DRC1: variants seen among roughly 807,000 people sequenced by gnomAD.
The protein encoded by DRC1 is dynein regulatory complex protein 1.
In DRC1, 74 loss-of-function variants were observed where a neutral mutation model predicts 98.7. The observed-to-expected ratio is 0.75, with a 90% CI of 0.62 to 0.91. The LOEUF (loss-of-function observed/expected upper bound fraction) is 0.91, where lower values mean the gene tolerates loss of function less well. Ranked by LOEUF, DRC1 falls within the 40% of genes least tolerant of loss-of-function variation. The probability of loss-of-function intolerance (pLI) is 0.00; values close to 1 mark genes in which losing one functional copy is unlikely to be tolerated. For synonymous variants in DRC1, 336 were observed against 334.1 expected, an observed-to-expected ratio of 1.01 and a Z score of -0.06; for missense variants, 875 against 886.0, an observed-to-expected ratio of 0.99 and a Z score of 0.16.
chr2:26,448,887 A>G, intron 11 of DRC1, 84 bp downstream of exon 11: 2 of 1,407,892 alleles, frequency 1.4e-6, no homozygotes, highest in Non-Finnish European at 2.0e-6. Context: ...GCTAGCCTGG[A>G]GTCAGGAGTG....
chr2:26,436,555 C>T (rs1245756627), intron 7 of DRC1, among the ~76,000 whole-genome samples: 2 of 152,168 alleles, frequency 1.3e-5, no homozygotes, highest in African/African-American at 2.4e-5. Flanking sequence ...TCAAGCAATC[C>T]TCCCTCTTTG....
intron 3 of DRC1, among the ~76,000 whole-genome samples, chr2:26,423,581 C>G (rs1156868482): frequency 6.6e-6 from 1 of 152,192 alleles, no homozygotes; most frequent in African/African-American, 2.4e-5. Flanking sequence ...GAAAGGCTGT[C>G]CCTATTTTCC....
intron 3 of DRC1, among the ~76,000 whole-genome samples, chr2:26,424,046 G>C (rs1423140812): frequency 3.9e-5 from 6 of 152,152 alleles, no homozygotes; most frequent in African/African-American, 1.2e-4. Context: ...CCTTAATGTT[G>C]ATCTGTTTTT....
chr2:26,433,459 C>T (rs189828573), intron 7 of DRC1, among the ~76,000 whole-genome samples: 3 of 152,308 alleles, frequency 2.0e-5, no homozygotes, highest in African/African-American at 7.2e-5. Context: ...ATGAGAGTTA[C>T]TGACAGAACA....
At chr2:26,418,363 G>A (rs768834077) in intron 2 of DRC1, among the ~76,000 whole-genome samples, 19 of 150,692 alleles carry the variant, frequency 1.3e-4, no homozygotes, top group Non-Finnish European at 1.8e-4. Flanking sequence ...AGCTGGGGGT[G>A]GGCTGGGAGC....
In DRC1 at chr2:26,429,768, A is replaced by G. The variant is rs1453451858; in HGVS notation, c.678+3A>G. The G allele has an allele frequency of 6.2e-7, 1 of 1,613,872 alleles. No individual in the cohort carries two copies. The highest frequency in any genetic ancestry group is 2.2e-5 in the East Asian group (1 of 44,876). On this transcript the variant is annotated splice_donor_region_variant and intron_variant, in intron 5 of 16. Transcript: ENST00000288710. Reference sequence around the variant, plus strand: ...GTGAGGAGCTCTATAACATTGAGGTAACAGGGTGTGAAAAGACCTGGTTTC... The same window carrying G: ...GTGAGGAGCTCTATAACATTGAGGTGACAGGGTGTGAAAAGACCTGGTTTC...
intron 6 of DRC1, 41 bp downstream of exon 6, chr2:26,430,913 G>A (rs1301154737): frequency 3.2e-6 from 5 of 1,545,480 alleles, no homozygotes; most frequent in African/African-American, 1.4e-5. Context: ...GTGGGGTCTG[G>A]GTGATTTTTA....
At chr2:26,419,016 G>C (rs974445524) in intron 2 of DRC1, among the ~76,000 whole-genome samples, 20 of 150,816 alleles carry the variant, frequency 1.3e-4, no homozygotes, top group Non-Finnish European at 2.2e-4. Flanking sequence ...AGCCTCCCAA[G>C]TAGCTGGGAC....
chr2:26,438,776 G>A (rs989664715), intron 7 of DRC1, among the ~76,000 whole-genome samples: 3 of 152,110 alleles, frequency 2.0e-5, no homozygotes, highest in African/African-American at 7.2e-5. Context: ...TTCCTCTGTC[G>A]ATTCCTGGGC....
At chr2:26,413,302 C>T (rs116304834) in intron 1 of DRC1, among the ~76,000 whole-genome samples, 2,207 of 152,286 alleles carry the variant, frequency 0.014, 48 homozygotes, top group African/African-American at 0.048. Context: ...GTCAGTGCTA[C>T]AATCATCTTT....
intron 2 of DRC1, among the ~76,000 whole-genome samples, chr2:26,418,577 TATATAA>T (rs1678903491): frequency 9.5e-6 from 1 of 105,656 alleles, no homozygotes; most frequent in African/African-American, 4.1e-5. Context: ...ATATATATTA[TATATAA>T]ATTATATATA....
intron 2 of DRC1, among the ~76,000 whole-genome samples, chr2:26,418,097 C>T (rs1170861775): frequency 6.6e-6 from 1 of 152,040 alleles, no homozygotes; most frequent in African/African-American, 2.4e-5. Flanking sequence ...GCGGATACAT[C>T]CCCTCAAGTA....
At chr2:26,434,890 CAA>C (rs58202507) in intron 7 of DRC1, among the ~76,000 whole-genome samples, 4 of 126,866 alleles carry the variant, frequency 3.2e-5, no homozygotes, top group East Asian at 2.9e-4. Context: ...GACTCCGTCT[CAA>C]AAAAAAAAAA....
chr2:26,453,116 C>T (rs1329304295), intron 13 of DRC1, among the ~76,000 whole-genome samples: 2 of 152,188 alleles, frequency 1.3e-5, no homozygotes, highest in African/African-American at 2.4e-5. Context: ...AGAACCTTTC[C>T]ATTTTCTCGT....
At chr2:26,429,876 A>C (rs1663389016) in intron 5 of DRC1, 111 bp downstream of exon 5, 25 of 1,182,628 alleles carry the variant, frequency 2.1e-5, no homozygotes, top group Non-Finnish European at 2.8e-5. Context: ...CTGTCCGCTG[A>C]TTTCTGTTTC....
At position 26,448,702 on chromosome 2, in the gene DRC1, G is replaced by A; in HGVS notation, c.1408G>A (p.Ala470Thr). 6.2e-7 allele frequency: 1 copy of A among 1,614,194 alleles called. No homozygotes were observed. Among genetic ancestry groups the A allele is most frequent in the South Asian group, 1.1e-5 (1 of 91,080 alleles). Residue 470 changes from alanine to threonine, a missense_variant, in exon 11 of 17, where the codon GCA becomes ACA. Physicochemically the swap from Ala to Thr is moderately conservative, Grantham distance 58. Transcript: ENST00000288710. The part of the protein sequence containing the change: ...EMLMRSEEEE[A>T]EEAAAEPESY... ...TGACCCAACTGCAGAAGAGGAGGAG[G>A]CAGAAGAGGCCGCCGCGGAACCAGA... is the stretch of plus-strand genomic sequence containing the variant.
At position 26,448,810 on chromosome 2, in the gene DRC1, C is replaced by A; in HGVS notation, c.1509+7C>A. On this transcript the variant is annotated splice_region_variant and intron_variant, in intron 11 of 16. Coordinates refer to ENST00000288710, the MANE Select transcript of DRC1 (RefSeq NM_145038.5). ...GCTCCTGTGTGACGAGTCGGTGAGGCCAGGCGGGGGCTGCAGCAGAGGGAC... is the reference window on the plus strand; with the variant it reads ...GCTCCTGTGTGACGAGTCGGTGAGGACAGGCGGGGGCTGCAGCAGAGGGAC... 6.2e-7 allele frequency: 1 copy of A among 1,613,496 alleles called. No individual in the cohort carries two copies. The highest frequency in any genetic ancestry group is 8.5e-7 in the Non-Finnish European group (1 of 1,179,650).
intron 10 of DRC1, among the ~76,000 whole-genome samples, chr2:26,447,366 T>C (rs1178516136): frequency 1.3e-5 from 2 of 151,872 alleles, no homozygotes; most frequent in Non-Finnish European, 2.9e-5. Context: ...TCAGCCGAGA[T>C]TATGCCACTG....
chr2:26,456,598 G>A lies in DRC1; in HGVS notation c.*81G>A, dbSNP rs905981578. The A allele has an allele frequency of 1.8e-5, 28 of 1,549,104 alleles. No homozygotes were observed. The highest frequency in any genetic ancestry group is 2.5e-5 in the Non-Finnish European group (28 of 1,123,772). ...GGAGCCAGCTCATATCACCCACTGG[G>A]CCGCACCTGGGCCTGCTCTCTGGAT... On this transcript the variant is annotated 3_prime_UTR_variant, in exon 17 of 17. Coordinates refer to ENST00000288710, the MANE Select transcript of DRC1 (RefSeq NM_145038.5).
Sources: allele counts gnomAD v4.1 joint callset (sites outside exome capture counted in the v4.1 genomes callset), GRCh38; gene constraint gnomAD v4.1.1; transcripts MANE v1.5; gene names NCBI Gene and HGNC (gene_info 2026-07-23, HGNC 2026-07-21).